Variants in CDK14 observed in about 807,000 individuals in gnomAD.
The protein encoded by CDK14 is cyclin dependent kinase 14, also known as cyclin-dependent kinase 14.
Under a neutral mutation model 60.7 loss-of-function variants are expected in CDK14, and 34 were observed. That is an observed-to-expected ratio of 0.56 (90% CI 0.43 to 0.75). The LOEUF is 0.75. Among genes scored for constraint, CDK14 ranks in the 30% least tolerant of loss-of-function variants. The pLI, the probability that CDK14 is intolerant of heterozygous loss-of-function variation, is 0.00. For synonymous variants in CDK14, 197 were observed against 203.7 expected, an observed-to-expected ratio of 0.97 and a Z score of 0.28; for missense variants, 482 against 564.1, an observed-to-expected ratio of 0.85 and a Z score of 1.47.
intron 10 of CDK14, among the ~76,000 whole-genome samples, chr7:90,994,959 G>A (rs951856783): frequency 3.9e-5 from 6 of 152,138 alleles, no homozygotes; most frequent in African/African-American, 9.7e-5. Context: ...ACTTCCCCAC[G>A]TAAATCTGAT....
chr7:90,781,172 G>A (rs1805301605), intron 4 of CDK14, among the ~76,000 whole-genome samples: 1 of 152,220 alleles, frequency 6.6e-6, no homozygotes, highest in Non-Finnish European at 1.5e-5. Flanking sequence ...GCCAGTGATA[G>A]TGAGCATTTT....
At chr7:90,601,788 C>CT (rs1799318664) in intron 1 of CDK14, among the ~76,000 whole-genome samples, 1 of 152,128 alleles carries the variant, frequency 6.6e-6, no homozygotes, top group South Asian at 2.1e-4. Context: ...GGGTCTCACT[C>CT]TGTCGCCCAG....
chr7:91,182,312 CTA>C (rs1802029201), intron 14 of CDK14, among the ~76,000 whole-genome samples: 1 of 151,936 alleles, frequency 6.6e-6, no homozygotes, highest in Non-Finnish European at 1.5e-5. Context: ...AGTCAAATTG[CTA>C]TGTTTTCAAA....
chr7:90,900,472 A>G (rs1177915525), intron 7 of CDK14, among the ~76,000 whole-genome samples: 2 of 152,190 alleles, frequency 1.3e-5, no homozygotes, highest in African/African-American at 4.8e-5. Flanking sequence ...AATCTTGTCT[A>G]TGTTCAATTC....
intron 9 of CDK14, among the ~76,000 whole-genome samples, chr7:90,966,666 G>A (rs1794760106): frequency 1.3e-5 from 2 of 152,120 alleles, no homozygotes; most frequent in Admixed American, 1.3e-4. Context: ...CTACCCTGCT[G>A]GTGTGTGTTT....
intron 2 of CDK14, among the ~76,000 whole-genome samples, chr7:90,625,187 A>T (rs1217224554): frequency 6.6e-6 from 1 of 152,150 alleles, no homozygotes; most frequent in Non-Finnish European, 1.5e-5. Context: ...AAATAAAAAA[A>T]AACCTGGCCA....
intron 4 of CDK14, among the ~76,000 whole-genome samples, chr7:90,781,289 T>G (rs1805308880): frequency 6.6e-6 from 1 of 152,332 alleles, no homozygotes; most frequent in South Asian, 2.1e-4. Flanking sequence ...TAAATTTGTT[T>G]GAGTTCATTG....
At chr7:90,849,374 T>C (rs1007317419) in intron 5 of CDK14, among the ~76,000 whole-genome samples, 1 of 152,076 alleles carries the variant, frequency 6.6e-6, no homozygotes, top group African/African-American at 2.4e-5. Context: ...GTGAACCACA[T>C]AAACCTCTTT....
chr7:90,992,106 G>A (rs1040061336), intron 10 of CDK14, among the ~76,000 whole-genome samples: 2 of 152,186 alleles, frequency 1.3e-5, no homozygotes, highest in Non-Finnish European at 2.9e-5. Flanking sequence ...AAAGTTCTAT[G>A]CTTCTAAGCG....
At chr7:90,791,803 C>T (rs999245094) in intron 5 of CDK14, among the ~76,000 whole-genome samples, 2 of 152,074 alleles carry the variant, frequency 1.3e-5, no homozygotes, top group African/African-American at 4.8e-5. Context: ...ATGGTTGAAA[C>T]GGTCTCTTCT....
rs553157874 is a variant in CDK14 at position 90,913,396 on chromosome 7, A to G, written c.703-4205A>G. Among the ~76,000 whole-genome samples the G allele has an allele frequency of 5.9e-5, 9 of 152,312 alleles. No homozygotes were observed. The East Asian group carries it at 1.4e-3, about 23-fold the overall frequency. ...TTTGTAAATGTAGGGATCAAGGGAA[A>G]ACTACCCCTTCACCCTCTAAAAGTT... On this transcript the variant is annotated intron_variant, in intron 7 of 14. Transcript: ENST00000380050.
intron 12 of CDK14, among the ~76,000 whole-genome samples, chr7:91,104,275 A>G (rs1799224883): frequency 6.6e-6 from 1 of 152,106 alleles, no homozygotes; most frequent in Non-Finnish European, 1.5e-5. Flanking sequence ...GACCTGCGAT[A>G]GAACACTGAA....
intron 2 of CDK14, among the ~76,000 whole-genome samples, chr7:90,724,372 C>T (rs1459450347): frequency 6.6e-6 from 1 of 151,604 alleles, no homozygotes; most frequent in African/African-American, 2.4e-5. Flanking sequence ...CTCTGAAAAC[C>T]AGCTTTTGGT....
chr7:90,903,149 A>C (rs1792572312), intron 7 of CDK14, among the ~76,000 whole-genome samples: 1 of 152,164 alleles, frequency 6.6e-6, no homozygotes, highest in Non-Finnish European at 1.5e-5. Context: ...AAATTAGTGC[A>C]GTTATTATGG....
Position 90,693,038 on chromosome 7 carries a change from G to C in CDK14, c.124-33529G>C, listed in dbSNP as rs1452477129. On this transcript the variant is annotated intron_variant, in intron 2 of 14. Coordinates refer to ENST00000380050, the MANE Select transcript of CDK14 (RefSeq NM_001287135.2). The stretch of plus-strand genomic sequence containing the variant: ...AGGTGCACAAAAATGTGAAGCACAT[G>C]AATGAAAGAATCCGTCTTTTAGCCT... 3.3e-5 allele frequency among the ~76,000 whole-genome samples: 5 copies of C among 152,134 alleles called. No homozygotes were observed. In the East Asian group the frequency reaches 9.6e-4, roughly 29 times the overall value.
chr7:90,662,318 G>A (rs146794301), intron 2 of CDK14, among the ~76,000 whole-genome samples: 129 of 152,306 alleles, frequency 8.5e-4, no homozygotes, highest in African/African-American at 3.0e-3. Flanking sequence ...GTGATAAGAA[G>A]TGAACCAGCA....
At chr7:90,660,127 A>G (rs994620372) in intron 2 of CDK14, among the ~76,000 whole-genome samples, 3 of 152,216 alleles carry the variant, frequency 2.0e-5, no homozygotes, top group African/African-American at 4.8e-5. Context: ...TGAAGGATCC[A>G]TGCATAATCA....
At position 91,014,468 on chromosome 7, in the gene CDK14, A is replaced by T. The variant is rs146259179; in HGVS notation, c.1041+30227A>T. ...GATCATGTTTAGAATGATTTAGCCC[A>T]TGTTCTTTTTCCAAGAGTTTTAATA... On this transcript the variant is annotated intron_variant, in intron 10 of 14. Transcript: ENST00000380050. Among the ~76,000 whole-genome samples the T allele has an allele frequency of 4.1e-3, 631 of 152,236 alleles. 9 individuals carry two copies. Among genetic ancestry groups the T allele is most frequent in the Non-Finnish European group, 5.0e-3 (341 of 68,010 alleles).
In CDK14 at chr7:90,984,234, T is replaced by C; in HGVS notation, c.1034T>C (p.Ile345Thr). The C allele has an allele frequency of 6.2e-7, 1 of 1,604,204 alleles. No homozygotes were observed. The highest frequency in any genetic ancestry group is 8.5e-7 in the Non-Finnish European group (1 of 1,170,950). ...MKDIQDQLER[I>T]FLVLGTPNED... ...GACATTCAGGATCAACTTGAACGAA[T>C]ATTTCTGGTAAGTCCTTTACAGAGT... Residue 345 changes from isoleucine (I) to threonine (T), a missense_variant, in exon 10 of 15, where the codon ATA (isoleucine) becomes ACA (threonine). Coordinates refer to ENST00000380050, the MANE Select transcript of CDK14 (RefSeq NM_001287135.2).
Sources: gnomAD v4.1 joint callset for allele counts (sites outside exome capture counted in the v4.1 genomes callset) on GRCh38, gnomAD v4.1.1 for gene constraint, MANE v1.5 for transcripts, NCBI Gene and HGNC (gene_info 2026-07-23, HGNC 2026-07-21) for gene names.